NKAIN2: variants seen among roughly 807,000 people sequenced by gnomAD.
NKAIN2 encodes the protein sodium/potassium-transporting ATPase subunit beta-1-interacting protein 2.
NKAIN2 carries 14 observed loss-of-function variants against 32.6 expected under a neutral mutation model. The ratio of observed to expected loss-of-function variants is 0.43; its 90% CI spans 0.28 to 0.67. The LOEUF is 0.67. NKAIN2 is among the 30% of genes least tolerant of loss of function. The probability of loss-of-function intolerance (pLI) is 0.17; values close to 1 mark genes in which losing one functional copy is unlikely to be tolerated. For missense variants in NKAIN2, 198 were observed against 258.3 expected (o/e 0.77, Z 1.60); for synonymous variants, 80 against 87.2 (o/e 0.92, Z 0.46).
In NKAIN2 at chr6:124,409,588, C is replaced by T. The variant is rs568966331; in HGVS notation, c.273+54241C>T. On this transcript the variant is annotated intron_variant, in intron 3 of 6. Coordinates refer to ENST00000368417, the MANE Select transcript of NKAIN2 (RefSeq NM_001040214.3). ...AAGCTTTTTGATGTGTTGCTGGATGCGGTTTGCCAGTATTTTATTGAGGAT... is the reference window on the plus strand; with the variant it reads ...AAGCTTTTTGATGTGTTGCTGGATGTGGTTTGCCAGTATTTTATTGAGGAT... Among the ~76,000 whole-genome samples the T allele has an allele frequency of 3.5e-3, 539 of 152,184 alleles. 3 individuals carry two copies. Among genetic ancestry groups the T allele is most frequent in the African/African-American group, 0.01 (435 of 41,516 alleles).
intron 1 of NKAIN2, among the ~76,000 whole-genome samples, chr6:124,065,540 T>G (rs1386300677): frequency 6.6e-6 from 1 of 152,180 alleles, no homozygotes; most frequent in Non-Finnish European, 1.5e-5. Context: ...CTCTGCCATG[T>G]GAGAACACAG....
At chr6:124,442,429 C>T (rs1283576004) in intron 3 of NKAIN2, among the ~76,000 whole-genome samples, 3 of 151,920 alleles carry the variant, frequency 2.0e-5, no homozygotes, top group Non-Finnish European at 4.4e-5. Context: ...TGAACGTTTT[C>T]TTCTTCTGCC....
intron 3 of NKAIN2, among the ~76,000 whole-genome samples, chr6:124,471,149 C>T (rs1776957087): frequency 6.6e-6 from 1 of 152,042 alleles, no homozygotes; most frequent in Non-Finnish European, 1.5e-5. Context: ...TTTTTGCTTT[C>T]CTTGCTTTTA....
At chr6:124,339,262 T>C (rs1211413490) in intron 2 of NKAIN2, among the ~76,000 whole-genome samples, 1 of 152,000 alleles carries the variant, frequency 6.6e-6, no homozygotes, top group African/African-American at 2.4e-5. Flanking sequence ...GGAGAATCGC[T>C]TGAACCCAGG....
chr6:123,804,074 C>T lies in NKAIN2; in HGVS notation c.-127C>T. 1.2e-6 allele frequency: 1 copy of T among 865,056 alleles called. No individual in the cohort carries two copies. The allele number at this position is 865,056 out of a possible 1,614,324, so 53.6% of individuals were successfully genotyped here. On this transcript the variant is annotated 5_prime_UTR_variant, in exon 1 of 7. The change creates a premature stop within an existing upstream ORF in the 5' untranslated region. Transcript: ENST00000368417. ...TCACTTCCCAGGACGCTGGCAGCAG[C>T]AGCAGCCCGGAGCCCCCGAGCCCTC...
intron 1 of NKAIN2, among the ~76,000 whole-genome samples, chr6:124,111,040 G>T (rs186838404): frequency 9.2e-5 from 14 of 152,078 alleles, no homozygotes; most frequent in Admixed American, 7.9e-4. Flanking sequence ...ATGTAGTTTT[G>T]ATATGTGTGT....
intron 3 of NKAIN2, among the ~76,000 whole-genome samples, chr6:124,603,037 C>G (rs1782367821): frequency 6.6e-6 from 1 of 151,906 alleles, no homozygotes; most frequent in Non-Finnish European, 1.5e-5. Context: ...GCTTTGCAAC[C>G]AGAATTTATA....
At chr6:124,814,995 C>G (rs1781079131) in intron 5 of NKAIN2, among the ~76,000 whole-genome samples, 1 of 151,594 alleles carries the variant, frequency 6.6e-6, no homozygotes, top group Admixed American at 6.6e-5. Context: ...CAGTGGAGAC[C>G]TTACTGTTTT....
intron 5 of NKAIN2, among the ~76,000 whole-genome samples, chr6:124,797,985 C>T (rs960489232): frequency 6.6e-6 from 1 of 152,054 alleles, no homozygotes; most frequent in African/African-American, 2.4e-5. Context: ...ATGTGCCTGC[C>T]TGCCTGCCTG....
chr6:124,591,624 T>C (rs917809948), intron 3 of NKAIN2, among the ~76,000 whole-genome samples: 3 of 152,182 alleles, frequency 2.0e-5, no homozygotes, highest in Non-Finnish European at 4.4e-5. Flanking sequence ...AAGGGTTCTA[T>C]TGTTCATATA....
In NKAIN2 at chr6:124,171,541, G is replaced by A. The variant is rs550420659; in HGVS notation, c.55-111464G>A. On this transcript the variant is annotated intron_variant, in intron 1 of 6. Coordinates refer to ENST00000368417, the MANE Select transcript of NKAIN2 (RefSeq NM_001040214.3). ...TGTTAAGTTTTCGTAAGAGAGGGCC[G>A]ATTTGATTTTTTTTTTTTTTTTTTT... Among the ~76,000 whole-genome samples, 246 of 106,184 alleles carry A rather than the reference G, an allele frequency of 2.3e-3. 2 individuals are homozygous for A. The highest frequency in any genetic ancestry group is 8.3e-3 in the African/African-American group (235 of 28,270). The allele number at this position is 106,184 out of a possible 152,430, so 69.7% of individuals were successfully genotyped here.
chr6:124,498,717 C>A (rs1296942623), intron 3 of NKAIN2, among the ~76,000 whole-genome samples: 1 of 152,164 alleles, frequency 6.6e-6, no homozygotes, highest in East Asian at 1.9e-4. Context: ...ATTATCTTAT[C>A]CATTCTTATT....
intron 2 of NKAIN2, among the ~76,000 whole-genome samples, chr6:124,284,103 A>T (rs372127276): frequency 2.6e-5 from 4 of 152,172 alleles, no homozygotes; most frequent in East Asian, 3.9e-4. Context: ...CCAAGGAAGA[A>T]TGAGAAGCCC....
At chr6:124,350,981 G>A (rs571882505) in intron 2 of NKAIN2, among the ~76,000 whole-genome samples, 3 of 152,074 alleles carry the variant, frequency 2.0e-5, no homozygotes, top group South Asian at 2.1e-4. Flanking sequence ...AGAGTGAGAC[G>A]CCTTCTCTAA....
At chr6:124,540,072 T>C (rs1412597147) in intron 3 of NKAIN2, among the ~76,000 whole-genome samples, 1 of 152,252 alleles carries the variant, frequency 6.6e-6, no homozygotes, top group East Asian at 1.9e-4. Flanking sequence ...TTAAATATGC[T>C]TAGTGTCTTC....
At chr6:123,989,664 T>C (rs1163479212) in intron 1 of NKAIN2, among the ~76,000 whole-genome samples, 1 of 152,194 alleles carries the variant, frequency 6.6e-6, no homozygotes, top group African/African-American at 2.4e-5. Flanking sequence ...ATAATTTTAA[T>C]GGTAACTCAA....
intron 1 of NKAIN2, among the ~76,000 whole-genome samples, chr6:123,921,852 A>G (rs1281700175): frequency 1.3e-5 from 2 of 151,936 alleles, no homozygotes; most frequent in African/African-American, 4.8e-5. Flanking sequence ...AATGGCATGA[A>G]CCAAGGAGGC....
At chr6:124,120,873 T>C (rs1582683480) in intron 1 of NKAIN2, among the ~76,000 whole-genome samples, 5 of 152,034 alleles carry the variant, frequency 3.3e-5, no homozygotes, top group Admixed American at 3.3e-4. Context: ...AAAGAAGAGG[T>C]CATGAAACTT....
chr6:124,174,983 T>G (rs1789084276), intron 1 of NKAIN2, among the ~76,000 whole-genome samples: 1 of 152,330 alleles, frequency 6.6e-6, no homozygotes, highest in South Asian at 2.1e-4. Flanking sequence ...TAATAAAAAT[T>G]TTAATTCACA....
Sources: gnomAD v4.1 joint callset for allele counts (sites outside exome capture counted in the v4.1 genomes callset) on GRCh38, gnomAD v4.1.1 for gene constraint, MANE v1.5 for transcripts, NCBI Gene and HGNC (gene_info 2026-07-23, HGNC 2026-07-21) for gene names.